The following SORCS3 variants were observed in gnomAD, a reference collection of about 807,000 sequenced individuals.
The protein encoded by SORCS3 is sortilin related VPS10 domain containing receptor 3.
In SORCS3, 57 loss-of-function variants were observed where a neutral mutation model predicts 146.3. The ratio of observed to expected loss-of-function variants is 0.39; its 90% CI spans 0.31 to 0.49. The LOEUF (loss-of-function observed/expected upper bound fraction) is 0.49, where lower values mean the gene tolerates loss of function less well. Ranked by LOEUF, SORCS3 falls within the 20% of genes least tolerant of loss-of-function variation. SORCS3 has a pLI of 0.92. For missense variants in SORCS3, 1,341 were observed against 1,575.5 expected (o/e 0.85, Z 2.52); for synonymous variants, 653 against 618.5 (o/e 1.06, Z -0.83).
intron 4 of SORCS3, among the ~76,000 whole-genome samples, chr10:104,996,974 T>C (rs2055031389): frequency 6.6e-6 from 1 of 152,118 alleles, no homozygotes; most frequent in African/African-American, 2.4e-5. Flanking sequence ...ATTTATTTTT[T>C]CGATGATCCC....
At chr10:104,873,724 A>G (rs1230824069) in intron 2 of SORCS3, among the ~76,000 whole-genome samples, 1 of 152,200 alleles carries the variant, frequency 6.6e-6, no homozygotes, top group Non-Finnish European at 1.5e-5. Flanking sequence ...CCTTGGCCTC[A>G]TTCTGCTCTC....
rs759253370 is a variant in SORCS3 at position 104,778,911 on chromosome 10, C to A, written c.628-63881C>A. ...CAAAAGGGACTTCCTGTGGATGTTA[C>A]CCTATGTGGCAAAAGGGACTTTGCA... On this transcript the variant is annotated intron_variant, in intron 1 of 26. Coordinates refer to ENST00000369701, the MANE Select transcript of SORCS3 (RefSeq NM_014978.3). 5.0e-4 allele frequency among the ~76,000 whole-genome samples: 75 copies of A among 149,872 alleles called. 1 individual carries two copies. Among genetic ancestry groups the A allele is most frequent in the Middle Eastern group, 3.4e-3 (1 of 292 alleles).
intron 4 of SORCS3, among the ~76,000 whole-genome samples, chr10:104,988,126 A>G (rs1443150357): frequency 6.6e-6 from 1 of 151,914 alleles, no homozygotes; most frequent in Non-Finnish European, 1.5e-5. Context: ...CTTGAAGGGC[A>G]TTCTAACTTG....
At chr10:105,232,642 C>T (rs1343062562) in intron 20 of SORCS3, among the ~76,000 whole-genome samples, 1 of 149,720 alleles carries the variant, frequency 6.7e-6, no homozygotes, top group African/African-American at 2.5e-5. Flanking sequence ...CTAGATACTT[C>T]TTTTTAATAT....
chr10:105,162,867 A>T (rs2056277410), intron 11 of SORCS3, among the ~76,000 whole-genome samples: 1 of 152,186 alleles, frequency 6.6e-6, no homozygotes, highest in Admixed American at 6.5e-5. Flanking sequence ...CCCTTGGTAG[A>T]CATCTGTTGA....
chr10:104,938,557 C>T (rs1207973594), intron 3 of SORCS3, among the ~76,000 whole-genome samples: 2 of 136,542 alleles, frequency 1.5e-5, no homozygotes, highest in Non-Finnish European at 3.1e-5. Flanking sequence ...TTAAAATGAT[C>T]CTCCCTAACT....
chr10:105,057,922 C>T (rs773116728), intron 5 of SORCS3, among the ~76,000 whole-genome samples: 5 of 152,154 alleles, frequency 3.3e-5, no homozygotes, highest in South Asian at 2.1e-4. Context: ...AATCAGGACA[C>T]GTTCTCCCCT....
intron 1 of SORCS3, among the ~76,000 whole-genome samples, chr10:104,707,174 G>T (rs1388193212): frequency 6.6e-6 from 1 of 152,192 alleles, no homozygotes; most frequent in Non-Finnish European, 1.5e-5. Context: ...GTTTCAAATA[G>T]TTGTGGGTAC....
At chr10:105,218,165 G>T (rs2056676662) in intron 19 of SORCS3, among the ~76,000 whole-genome samples, 1 of 152,180 alleles carries the variant, frequency 6.6e-6, no homozygotes, top group African/African-American at 2.4e-5. Flanking sequence ...ACCAAAAGTG[G>T]TAAGGGATGT....
At chr10:104,777,648 C>T (rs947598993) in intron 1 of SORCS3, among the ~76,000 whole-genome samples, 1 of 152,214 alleles carries the variant, frequency 6.6e-6, no homozygotes, top group South Asian at 2.1e-4. Flanking sequence ...TGCTGCTGCA[C>T]ATCCTGCAAT....
intron 15 of SORCS3, among the ~76,000 whole-genome samples, chr10:105,200,917 C>A (rs1589685577): frequency 6.6e-6 from 1 of 152,136 alleles, no homozygotes; most frequent in East Asian, 1.9e-4. Flanking sequence ...TAGAAGTGGG[C>A]CCACCTTCCA....
chr10:105,103,273 G>A (rs10884088), intron 6 of SORCS3, among the ~76,000 whole-genome samples: 36,391 of 151,882 alleles, frequency 0.24, 4,511 homozygotes, highest in Admixed American at 0.34. Context: ...ATCTACCCCC[G>A]CTAGTTTTAC....
chr10:105,055,621 G>C (rs2055440636), intron 5 of SORCS3, among the ~76,000 whole-genome samples: 1 of 152,108 alleles, frequency 6.6e-6, no homozygotes, highest in African/African-American at 2.4e-5. Context: ...AATAAGAGGA[G>C]ATAATTGGAA....
chr10:105,229,082 T>C (rs1311605033), intron 20 of SORCS3, among the ~76,000 whole-genome samples: 1 of 152,142 alleles, frequency 6.6e-6, no homozygotes, highest in Non-Finnish European at 1.5e-5. Flanking sequence ...GTGGGTTATT[T>C]CCAAAAACCT....
chr10:105,221,846 A>G (rs990753876), intron 19 of SORCS3, among the ~76,000 whole-genome samples: 1 of 152,158 alleles, frequency 6.6e-6, no homozygotes, highest in Non-Finnish European at 1.5e-5. Flanking sequence ...GTGCTCTGAC[A>G]TAATAGGAGA....
Position 105,088,560 on chromosome 10 carries a change from T to G in SORCS3, c.1029-1215T>G, listed in dbSNP as rs573005256. Reference sequence around the variant, plus strand: ...TAACCAATAAAAATCATTTTAGTTTTTCTAAAACATACCACTTGCAGCCTT... The same window carrying G: ...TAACCAATAAAAATCATTTTAGTTTGTCTAAAACATACCACTTGCAGCCTT... On this transcript the variant is annotated intron_variant, in intron 5 of 26. Coordinates refer to ENST00000369701, the MANE Select transcript of SORCS3 (RefSeq NM_014978.3). 3.9e-5 allele frequency among the ~76,000 whole-genome samples: 6 copies of G among 152,214 alleles called. No homozygotes were observed. In the South Asian group the frequency reaches 1.0e-3, roughly 26 times the overall value.
In SORCS3 at chr10:104,817,674, C is replaced by A. The variant is rs376743167; in HGVS notation, c.628-25118C>A. Among the ~76,000 whole-genome samples the A allele has an allele frequency of 2.5e-3, 172 of 69,122 alleles. 3 individuals are homozygous for A. Among genetic ancestry groups the A allele is most frequent in the African/African-American group, 9.8e-3 (164 of 16,752 alleles). 45.3% of individuals were successfully genotyped at this position (69,122 alleles called of 152,430 possible). A position where few individuals can be genotyped will look rare whatever the true frequency, so the allele number is the denominator to read the frequency against. Reference sequence around the variant, plus strand: ...CTTCTCTCCCCTCCCCCCTCCCCCTCTTCCCCTTTCTTTTCCCTTTTTTCC... The same window carrying A: ...CTTCTCTCCCCTCCCCCCTCCCCCTATTCCCCTTTCTTTTCCCTTTTTTCC... On this transcript the variant is annotated intron_variant, in intron 1 of 26. Coordinates refer to ENST00000369701, the MANE Select transcript of SORCS3 (RefSeq NM_014978.3).
At chr10:104,822,812 G>A (rs916379533) in intron 1 of SORCS3, among the ~76,000 whole-genome samples, 1 of 152,142 alleles carries the variant, frequency 6.6e-6, no homozygotes, top group Non-Finnish European at 1.5e-5. Flanking sequence ...AATCTCTGGC[G>A]ATTTTAATCA....
intron 1 of SORCS3, among the ~76,000 whole-genome samples, chr10:104,762,602 A>G (rs1229702987): frequency 6.6e-6 from 1 of 151,992 alleles, no homozygotes; most frequent in African/African-American, 2.4e-5. Flanking sequence ...TTGTAATCCT[A>G]ATGTGTCGAG....
Sources: gnomAD v4.1 joint callset for allele counts (sites outside exome capture counted in the v4.1 genomes callset) on GRCh38, gnomAD v4.1.1 for gene constraint, MANE v1.5 for transcripts, NCBI Gene and HGNC (gene_info 2026-07-23, HGNC 2026-07-21) for gene names.